NAPA: variants seen among roughly 807,000 people sequenced by gnomAD.
The protein encoded by NAPA is alpha-soluble NSF attachment protein.
A neutral mutation model predicts 48.0 loss-of-function variants in NAPA; 18 were observed. That is an observed-to-expected ratio of 0.38 (90% CI 0.26 to 0.56). The LOEUF is 0.56. NAPA is among the 20% of genes least tolerant of loss of function. NAPA has a pLI of 0.77. For missense variants in NAPA, 315 were observed against 385.0 expected, an observed-to-expected ratio of 0.82 and a Z score of 1.52; for synonymous variants, 152 against 149.9, an observed-to-expected ratio of 1.01 and a Z score of -0.10.
In NAPA at chr19:47,490,797, C is replaced by T. The variant is rs914738594; in HGVS notation, c.726G>A (p.Lys242=). Residue 242 remains lysine, a synonymous_variant, in exon 9 of 11, where the codon AAG becomes AAA. Transcript: ENST00000263354. The part of the protein sequence containing the change: ...FPAFSDSREC[K]LMKKLLEAHE... ...AGCACCCAGCACTTACTTTCATCAACTTGCATTCCCGGGAATCAGAGAAAG... is the reference window on the plus strand; with the variant it reads ...AGCACCCAGCACTTACTTTCATCAATTTGCATTCCCGGGAATCAGAGAAAG... 6.2e-7 allele frequency: 1 copy of T among 1,613,744 alleles called. No individual in the cohort carries two copies. The highest frequency in any genetic ancestry group is 8.5e-7 in the Non-Finnish European group (1 of 1,179,828).
chr19:47,487,980 C>T lies in NAPA; in HGVS notation c.*308G>A, dbSNP rs549049767. ...GGGCCAGATGCTGACCCCAAATCCC[C>T]GGCAGCACCCCTAGCAAATAGGTCT... On this transcript the variant is annotated 3_prime_UTR_variant, in exon 11 of 11. Coordinates refer to ENST00000263354, the MANE Select transcript of NAPA (RefSeq NM_003827.4). The T allele has an allele frequency of 1.1e-4, 23 of 215,600 alleles. No homozygotes were observed. The highest frequency in any genetic ancestry group is 3.4e-4 in the African/African-American group (15 of 43,700). The allele number at this position is 215,600 out of a possible 1,614,324, so 13.4% of individuals were successfully genotyped here.
At position 47,489,772 on chromosome 19, in the gene NAPA, A is replaced by G. The variant is rs541419909; in HGVS notation, c.736-11T>C. ...GGCCTCTAGCAATTTCTGCAAGCAA[A>G]TGGCAGAGAGGGGTCAGGGGCCTAT... is the stretch of plus-strand genomic sequence containing the variant. On this transcript the variant is annotated splice_polypyrimidine_tract_variant and intron_variant, in intron 9 of 10. Coordinates refer to ENST00000263354, the MANE Select transcript of NAPA (RefSeq NM_003827.4). The G allele has an allele frequency of 4.3e-5, 69 of 1,613,864 alleles. No homozygotes were observed. The highest frequency in any genetic ancestry group is 5.2e-5 in the Non-Finnish European group (61 of 1,179,986).
intron 9 of NAPA, 29 bp downstream of exon 9, chr19:47,490,745 TCTGAGGTTCGGGAA>T: frequency 6.3e-7 from 1 of 1,586,434 alleles, no homozygotes; most frequent in Non-Finnish European, 8.6e-7. Flanking sequence ...GCCACCCCCG[TCTGAGGTTCGGGAA>T]GGGGGAGGCC....
Position 47,505,453 on chromosome 19 carries a change from T to A in NAPA, c.99-1951A>T, listed in dbSNP as rs933096765. The A allele has an allele frequency of 2.0e-5, 3 of 152,208 alleles. No homozygotes were observed. The East Asian group carries it at 5.8e-4, about 29-fold the overall frequency. The allele number at this position is 152,208 out of a possible 1,614,324, so 9.4% of individuals were successfully genotyped here. ...GGATTCAGTGTGTCCAACCTGCCCA[T>A]CCCTTTCAGCCACATGAAGTGCTCA... On this transcript the variant is annotated intron_variant, in intron 1 of 10. Transcript: ENST00000263354.
At chr19:47,484,874 A>G (rs1451833001), downstream of NAPA, among the ~76,000 whole-genome samples, 1 of 151,714 alleles carries the variant, frequency 6.6e-6, no homozygotes, top group East Asian at 1.9e-4. Context: ...TAGTTTTTCT[A>G]TTTTTAGTAG....
rs1195863728 is a variant in NAPA, at chr19:47,509,324, TA to T, written c.98+5518del. On this transcript the variant is annotated intron_variant, in intron 1 of 10. Coordinates refer to ENST00000263354, the MANE Select transcript of NAPA (RefSeq NM_003827.4). ...TAAAATAAAATAAAATAAAATAAAA[TA>T]AAATAAAATAAAATAAAATAAAATA... Among the ~76,000 whole-genome samples the T allele has an allele frequency of 5.3e-3, 777 of 146,390 alleles. 6 individuals are homozygous for T. Among genetic ancestry groups the T allele is most frequent in the Non-Finnish European group, 9.2e-3 (610 of 66,340 alleles).
chr19:47,497,499 GAC>G (rs1968459908), intron 3 of NAPA: 1 of 152,578 alleles, frequency 6.6e-6, no homozygotes, highest in Admixed American at 6.5e-5. Context: ...ACGAGCTTCT[GAC>G]ACACTCATGA....
chr19:47,492,300 G>T lies in NAPA; in HGVS notation c.562-181C>A, dbSNP rs1040117185. On this transcript the variant is annotated intron_variant, in intron 7 of 10. Coordinates refer to ENST00000263354, the MANE Select transcript of NAPA (RefSeq NM_003827.4). ...GCTTGGAGAGGTCAGCGGCCAGTGC[G>T]TGAGCGACCAAGATCAGGGTGTGAT... 6.2e-5 allele frequency: 36 copies of T among 582,788 alleles called. No individual in the cohort carries two copies. In the African/African-American group the frequency reaches 6.5e-4, roughly 11 times the overall value. The allele number at this position is 582,788 out of a possible 1,614,324, so 36.1% of individuals were successfully genotyped here.
intron 1 of NAPA, among the ~76,000 whole-genome samples, chr19:47,511,652 A>G (rs1968807031): frequency 6.6e-6 from 1 of 152,216 alleles, no homozygotes; most frequent in Non-Finnish European, 1.5e-5. Flanking sequence ...GGAATCACAC[A>G]GAACTGGGTT....
intron 2 of NAPA, among the ~76,000 whole-genome samples, chr19:47,502,418 G>T (rs1968600146): frequency 1.3e-5 from 2 of 152,020 alleles, no homozygotes; most frequent in Non-Finnish European, 2.9e-5. Flanking sequence ...TTCTAAGTTT[G>T]GGAGCATAAA....
At chr19:47,492,237 G>T in intron 7 of NAPA, 118 bp from the exon 8 acceptor site, 1 of 856,228 alleles carries the variant, frequency 1.2e-6, no homozygotes, top group South Asian at 1.6e-5. Flanking sequence ...GTGAGGCCCT[G>T]TTAACCCAGG....
chr19:47,504,799 A>AATTAC (rs1250780816), intron 1 of NAPA, among the ~76,000 whole-genome samples: 2 of 152,156 alleles, frequency 1.3e-5, no homozygotes, highest in Non-Finnish European at 2.9e-5. Context: ...TCCAGCAATG[A>AATTAC]ATTACATCTC....
rs746775872 is a variant in NAPA, at chr19:47,492,126, C to T, written c.562-7G>A. Reference sequence around the variant, plus strand: ...CCATGGCATTGGTCCCCACCTGTAGCCATGGAGAAGTGGCACTGGTGAGCT... The same window carrying T: ...CCATGGCATTGGTCCCCACCTGTAGTCATGGAGAAGTGGCACTGGTGAGCT... On this transcript the variant is annotated splice_region_variant and splice_polypyrimidine_tract_variant and intron_variant, in intron 7 of 10. Transcript: ENST00000263354. 4.1e-5 allele frequency: 66 copies of T among 1,612,004 alleles called. No homozygotes were observed. Among genetic ancestry groups the T allele is most frequent in the Non-Finnish European group, 5.4e-5 (64 of 1,178,694 alleles).
intron 3 of NAPA, among the ~76,000 whole-genome samples, chr19:47,497,976 C>A (rs148422837): frequency 6.6e-6 from 1 of 152,306 alleles, no homozygotes; most frequent in Non-Finnish European, 1.5e-5. Flanking sequence ...CCCGAGTCTG[C>A]CCTGAGCAGC....
At position 47,500,717 on chromosome 19, in the gene NAPA, GCTGTGCAGCCTGGC is replaced by G; in HGVS notation, c.197_210del (p.Cys66SerfsTer32). Reference sequence around the variant, plus strand: ...TGCTTGCTCTGGAGCTGCAGGTGCAGCTGTGCAGCCTGGCAGAACGCGTTTCCAGCAGCTGGAAC... The same window carrying G: ...TGCTTGCTCTGGAGCTGCAGGTGCAGAGAACGCGTTTCCAGCAGCTGGAAC... On this transcript the variant is annotated frameshift_variant, in exon 3 of 11. Transcript: ENST00000263354. LOFTEE classifies it high-confidence loss of function. The G allele has an allele frequency of 6.2e-7, 1 of 1,611,254 alleles. No homozygotes were observed. Among genetic ancestry groups the G allele is most frequent in the Non-Finnish European group, 8.5e-7 (1 of 1,178,646 alleles).
At chr19:47,490,570 G>C (rs1459759449) in intron 9 of NAPA, among the ~76,000 whole-genome samples, 3 of 151,574 alleles carry the variant, frequency 2.0e-5, no homozygotes, top group Non-Finnish European at 4.4e-5. Flanking sequence ...GTGTGTGTGT[G>C]TCCACCTAGC....
Position 47,488,528 on chromosome 19 carries a change from G to A in NAPA, c.787-139C>T, listed in dbSNP as rs905824252. 2.0e-5 allele frequency: 12 copies of A among 590,850 alleles called. No individual in the cohort carries two copies. In the East Asian group the frequency reaches 3.2e-4, roughly 16 times the overall value. 36.6% of individuals were successfully genotyped at this position (590,850 alleles called of 1,614,324 possible). Reference sequence around the variant, plus strand: ...AGGAGGAGTAGAGGGAGGGCTTGAGGCCCCAACTCAGCCATGGGAGCTCCC... The same window carrying A: ...AGGAGGAGTAGAGGGAGGGCTTGAGACCCCAACTCAGCCATGGGAGCTCCC... On this transcript the variant is annotated intron_variant, in intron 10 of 10. Transcript: ENST00000263354.
rs745671462 is a variant in NAPA at position 47,495,501 on chromosome 19, G to T, written c.342+49C>A. Reference sequence around the variant, plus strand: ...GCTGAAAGAGGGGACGCAAGGCTGGGGCAATGCAGTGGGACCCGGGGGTGT... The same window carrying T: ...GCTGAAAGAGGGGACGCAAGGCTGGTGCAATGCAGTGGGACCCGGGGGTGT... On this transcript the variant is annotated intron_variant, in intron 4 of 10. Transcript: ENST00000263354. 12 of 1,577,432 alleles carry T rather than the reference G, an allele frequency of 7.6e-6. No homozygotes were observed. The Admixed American group carries it at 2.0e-4, about 26-fold the overall frequency.
At chr19:47,500,567 A>G in intron 3 of NAPA, 66 bp downstream of exon 3, 1 of 1,310,738 alleles carries the variant, frequency 7.6e-7, no homozygotes, top group Non-Finnish European at 1.0e-6. Context: ...AAACCTGAGG[A>G]ATCAATGCAG....
Sources: gnomAD v4.1 joint callset for allele counts (sites outside exome capture counted in the v4.1 genomes callset) on GRCh38, gnomAD v4.1.1 for gene constraint, MANE v1.5 for transcripts, NCBI Gene and HGNC (gene_info 2026-07-23, HGNC 2026-07-21) for gene names.